Variants in FMN1 observed in about 807,000 individuals in gnomAD.
FMN1 encodes formin-1.
FMN1 carries 110 observed loss-of-function variants against 132.4 expected under a neutral mutation model. That is an observed-to-expected ratio of 0.83 (90% CI 0.71 to 0.97). The LOEUF (loss-of-function observed/expected upper bound fraction) is 0.97. FMN1 is among the 50% of genes least tolerant of loss of function. The probability of loss-of-function intolerance (pLI) is 0.00; values close to 1 mark genes in which losing one functional copy is unlikely to be tolerated. For synonymous variants in FMN1, 722 were observed against 651.7 expected (o/e 1.11, Z -1.64); for missense variants, 1,792 against 1,705.3 (o/e 1.05, Z -0.90).
At chr15:32,907,421 G>A (rs759143142) in intron 12 of FMN1, among the ~76,000 whole-genome samples, 109 of 152,210 alleles carry the variant, frequency 7.2e-4, no homozygotes, top group Non-Finnish European at 1.3e-3. Context: ...AGAATCTGAT[G>A]CTGCTGCTGA....
At chr15:33,193,685 AC>A (rs1966161186) in intron 2 of FMN1, among the ~76,000 whole-genome samples, 1 of 151,952 alleles carries the variant, frequency 6.6e-6, no homozygotes, top group African/African-American at 2.4e-5. Context: ...CTAACATGGA[AC>A]TCTCCAGGAG....
rs115044882 is a variant in FMN1, at chr15:33,187,110, T to C, written c.-197+6799A>G. Among the ~76,000 whole-genome samples, 655 of 152,290 alleles carry C rather than the reference T, an allele frequency of 4.3e-3. 2 individuals carry two copies. The highest frequency in any genetic ancestry group is 0.015 in the African/African-American group (637 of 41,552). ...ATATGAACAAGGCAGACATCCCCAA[T>C]TGCTGTACTTCTAAAAAAAGTAATA... On this transcript the variant is annotated intron_variant, in intron 2 of 20. Coordinates refer to ENST00000616417, the MANE Select transcript of FMN1 (RefSeq NM_001277313.2).
intron 4 of FMN1, among the ~76,000 whole-genome samples, chr15:33,107,107 G>A (rs1251985798): frequency 6.6e-6 from 1 of 151,866 alleles, no homozygotes. Flanking sequence ...ATAGCTCTCA[G>A]TTTCTAAGAT....
At chr15:32,924,555 T>C (rs1405264672) in intron 10 of FMN1, among the ~76,000 whole-genome samples, 1 of 152,220 alleles carries the variant, frequency 6.6e-6, no homozygotes, top group African/African-American at 2.4e-5. Flanking sequence ...GTGAAACTCA[T>C]ACTAAATTCT....
intron 4 of FMN1, among the ~76,000 whole-genome samples, chr15:33,140,747 G>C (rs192590116): frequency 6.6e-6 from 1 of 152,202 alleles, no homozygotes; most frequent in Non-Finnish European, 1.5e-5. Flanking sequence ...TGACAGATGA[G>C]AAGTTTATCG....
In FMN1 at chr15:33,097,860, A is replaced by G. The variant is rs954400299; in HGVS notation, c.1868-8886T>C. Among the ~76,000 whole-genome samples the G allele has an allele frequency of 4.1e-4, 62 of 152,350 alleles. 1 individual carries two copies. Among genetic ancestry groups the G allele is most frequent in the Middle Eastern group, 3.4e-3 (1 of 294 alleles). ...TTAGTAATTACAACAGCTTGACAGA[A>G]AATCAGTACAGATATAGAAAAACTA... On this transcript the variant is annotated intron_variant, in intron 4 of 20. Coordinates refer to ENST00000616417, the MANE Select transcript of FMN1 (RefSeq NM_001277313.2).
intron 6 of FMN1, among the ~76,000 whole-genome samples, chr15:33,048,109 T>C (rs561329867): frequency 1.4e-5 from 2 of 143,810 alleles, no homozygotes; most frequent in Non-Finnish European, 3.0e-5. Flanking sequence ...TTAAAGATTA[T>C]GGGTAAAATA....
At chr15:33,125,310 G>C (rs938020722) in intron 4 of FMN1, among the ~76,000 whole-genome samples, 1 of 152,172 alleles carries the variant, frequency 6.6e-6, no homozygotes, top group African/African-American at 2.4e-5. Context: ...TGCATAGTAA[G>C]CCGTCAAGAA....
At chr15:32,933,365 A>T (rs1424964029) in intron 9 of FMN1, among the ~76,000 whole-genome samples, 1 of 152,150 alleles carries the variant, frequency 6.6e-6, no homozygotes, top group African/African-American at 2.4e-5. Flanking sequence ...AATTTTTAAA[A>T]ATTTGTTAAG....
intron 5 of FMN1, chr15:33,067,068 G>A (rs754608995): frequency 1.9e-6 from 3 of 1,614,018 alleles, no homozygotes; most frequent in East Asian, 2.2e-5. Flanking sequence ...AAAGCTGGAA[G>A]TTGGAATGAC....
Position 32,908,555 on chromosome 15 carries a change from A to T in FMN1, c.3312T>A (p.Val1104=). 1 of 1,606,676 alleles carries T rather than the reference A, an allele frequency of 6.2e-7. No homozygotes were observed. Among genetic ancestry groups the T allele is most frequent in the Non-Finnish European group, 8.5e-7 (1 of 1,175,396 alleles). The change falls in exon 12 of 21, where the codon GTT becomes GTA. Residue 1104 remains valine (V), a synonymous_variant. Transcript: ENST00000616417. The part of the protein sequence containing the change: ...YENRAQEDEL[V]KIRKYYETSK... Reference sequence around the variant, plus strand: ...ATGTCTCGTAATACTTTCTTATTTTAACCAGCTCATCCTCTTGGGCTCTCT... The same window carrying T: ...ATGTCTCGTAATACTTTCTTATTTTTACCAGCTCATCCTCTTGGGCTCTCT...
In FMN1 at chr15:32,964,250, C is replaced by G. The variant is rs770315598; in HGVS notation, c.2995G>C (p.Ala999Pro). The change falls in exon 9 of 21, where the codon GCT (alanine) becomes CCT (proline). Residue 999 changes from alanine (A) to proline (P), a missense_variant. Transcript: ENST00000616417. ...RIQISDRSQNATPTLWDSLEE... is the reference protein window; with the variant it reads ...RIQISDRSQNPTPTLWDSLEE... ...AAGGAGTCCCATAAGGTTGGTGTAG[C>G]ATTTTGGCTTAAAAGAGAAAATGAC... The G allele has an allele frequency of 1.3e-6, 2 of 1,577,566 alleles. No homozygotes were observed. Among genetic ancestry groups the G allele is most frequent in the Admixed American group, 1.8e-5 (1 of 56,486 alleles).
At chr15:33,067,507 A>T in intron 5 of FMN1, 1 of 1,613,972 alleles carries the variant, frequency 6.2e-7, no homozygotes, top group Non-Finnish European at 8.5e-7. Flanking sequence ...TCCCTTTCAA[A>T]GTAGACAGTG....
chr15:32,899,602 C>T (rs573423601), intron 14 of FMN1, among the ~76,000 whole-genome samples: 15 of 152,268 alleles, frequency 9.9e-5, no homozygotes, highest in East Asian at 7.7e-4. Flanking sequence ...ATTGCTCTGC[C>T]ATTCAGGAAT....
rs1426313038 is a variant in FMN1, at chr15:32,766,477, CTTAA to C, written c.*7829_*7832del. ...TGTACAAATTTATCAAGAGAATGGC[CTTAA>C]TTAGTTTAAGGTAAAATCTATGAGA... On this transcript the variant is annotated 3_prime_UTR_variant, in exon 21 of 21. Coordinates refer to ENST00000616417, the MANE Select transcript of FMN1 (RefSeq NM_001277313.2). The C allele has an allele frequency of 2.6e-5, 4 of 151,968 alleles. No homozygotes were observed. Among genetic ancestry groups the C allele is most frequent in the Admixed American group, 1.3e-4 (2 of 15,250 alleles). The allele number at this position is 151,968 out of a possible 1,614,324, so 9.4% of individuals were successfully genotyped here.
chr15:33,152,788 C>A (rs1357164504), intron 4 of FMN1, among the ~76,000 whole-genome samples: 143 of 65,900 alleles, frequency 2.2e-3, no homozygotes, highest in Admixed American at 2.6e-3. Context: ...TAGAGGATGC[C>A]AAAAAAAAAA....
chr15:33,034,571 T>C lies in FMN1; in HGVS notation c.2162-26496A>G, dbSNP rs566202989. Among the ~76,000 whole-genome samples the C allele has an allele frequency of 2.6e-5, 4 of 152,222 alleles. No homozygotes were observed. The East Asian group carries it at 7.7e-4, about 29-fold the overall frequency. ...TAGCCTGGGCAACAGAGAGAGACCT[T>C]GTCTCAAAACAAATAAAACCCCTGA... On this transcript the variant is annotated intron_variant, in intron 6 of 20. Transcript: ENST00000616417.
intron 6 of FMN1, among the ~76,000 whole-genome samples, chr15:33,044,194 G>A (rs892254126): frequency 1.3e-5 from 2 of 152,238 alleles, no homozygotes; most frequent in African/African-American, 4.8e-5. Flanking sequence ...GAGGGGCTGA[G>A]GGCAGCTTAG....
chr15:32,924,370 G>A (rs973248098), intron 10 of FMN1, among the ~76,000 whole-genome samples: 5 of 152,160 alleles, frequency 3.3e-5, no homozygotes, highest in Admixed American at 6.5e-5. Context: ...GTAATGTAGC[G>A]AAATTTTAAG....
Sources: gnomAD v4.1 joint callset for allele counts (sites outside exome capture counted in the v4.1 genomes callset) on GRCh38, gnomAD v4.1.1 for gene constraint, MANE v1.5 for transcripts, NCBI Gene and HGNC (gene_info 2026-07-23, HGNC 2026-07-21) for gene names.